The following PLEKHJ1 variants were observed in gnomAD, a reference collection of about 807,000 sequenced individuals.
PLEKHJ1 encodes the protein pleckstrin homology domain containing J1.
Under a neutral mutation model 21.7 loss-of-function variants are expected in PLEKHJ1, and 20 were observed. The ratio of observed to expected loss-of-function variants is 0.92; its 90% CI spans 0.65 to 1.34. The LOEUF (loss-of-function observed/expected upper bound fraction) is 1.34, where lower values mean the gene tolerates loss of function less well. Among genes scored for constraint, PLEKHJ1 ranks in the 40% most tolerant of loss-of-function variants. PLEKHJ1 has a pLI of 0.00. For synonymous variants in PLEKHJ1, 113 were observed against 80.6 expected (o/e 1.40, Z -2.15); for missense variants, 241 against 202.0 (o/e 1.19, Z -1.17).
rs2024682521 is a variant in PLEKHJ1, at chr19:2,233,522, C to A, written c.*318G>T. On this transcript the variant is annotated 3_prime_UTR_variant, in exon 6 of 6. Coordinates refer to ENST00000326631, the MANE Select transcript of PLEKHJ1 (RefSeq NM_018049.3). ...AGTTTCATAAAATGCAGCCCCTGCC[C>A]ACACCCACCTGGCTTCAGGCTTTGG... The A allele has an allele frequency of 4.4e-6, 2 of 453,454 alleles. No individual in the cohort carries two copies. Among genetic ancestry groups the A allele is most frequent in the Non-Finnish European group, 7.9e-6 (2 of 253,846 alleles). 28.1% of individuals were successfully genotyped at this position (453,454 alleles called of 1,614,324 possible). A position where few individuals can be genotyped will look rare whatever the true frequency, so the allele number is the denominator to read the frequency against.
chr19:2,236,004 G>T lies in PLEKHJ1; in HGVS notation c.95-14C>A. 1 of 1,601,908 alleles carries T rather than the reference G, an allele frequency of 6.2e-7. No homozygotes were observed. The highest frequency in any genetic ancestry group is 8.5e-7 in the Non-Finnish European group (1 of 1,176,230). On this transcript the variant is annotated splice_polypyrimidine_tract_variant and intron_variant, in intron 1 of 5. Coordinates refer to ENST00000326631, the MANE Select transcript of PLEKHJ1 (RefSeq NM_018049.3). ...GCCGCTTCAGCACTGCGGGCACAGC[G>T]CGCACTCAGGGGCGCAGGCAGCCCC... is the stretch of plus-strand genomic sequence containing the variant.
At chr19:2,230,173 C>A (rs745632861), downstream of PLEKHJ1, 18 of 480,834 alleles carry the variant, frequency 3.7e-5, no homozygotes, top group Non-Finnish European at 6.2e-5. Context: ...CTATCTCGTC[C>A]CCAGGCCCGC....
At chr19:2,230,556 T>C (rs967357888), downstream of PLEKHJ1, 14 of 398,622 alleles carry the variant, frequency 3.5e-5, no homozygotes, top group African/African-American at 2.5e-4. Context: ...CGGCTGTCCA[T>C]GGCTCGCAGC....
At chr19:2,231,162 C>T (rs1175622939), downstream of PLEKHJ1, 1 of 227,650 alleles carries the variant, frequency 4.4e-6, no homozygotes, top group African/African-American at 2.2e-5. Flanking sequence ...GGCTCTGTGC[C>T]CTCCCTGGAG....
At chr19:2,234,484 G>A (rs1361097534) in intron 3 of PLEKHJ1, 1 of 474,906 alleles carries the variant, frequency 2.1e-6, no homozygotes, top group Non-Finnish European at 3.8e-6. Context: ...GCCAAGGTGG[G>A]AGGATTGCTT....
chr19:2,230,538 G>T, downstream of PLEKHJ1: 2 of 398,760 alleles, frequency 5.0e-6, no homozygotes, highest in Non-Finnish European at 8.8e-6. Flanking sequence ...ATTTACTTTT[G>T]TATTTCTCGG....
intron 3 of PLEKHJ1, chr19:2,235,115 G>A (rs2024751720): frequency 6.6e-6 from 1 of 152,226 alleles, no homozygotes; most frequent in Non-Finnish European, 1.5e-5. Context: ...GTGATGCAAG[G>A]AGGACAAGGT....
chr19:2,235,960 A>C lies in PLEKHJ1; in HGVS notation c.125T>G (p.Val42Gly). The change falls in exon 2 of 6, where the codon GTG (valine) becomes GGG (glycine). Residue 42 changes from valine (V) to glycine (G), a missense_variant. Transcript: ENST00000326631. Reference protein sequence around the residue: ...VLKRRLVKLVVNFLFYFRTDE... With the variant: ...VLKRRLVKLVGNFLFYFRTDE... The stretch of plus-strand genomic sequence containing the variant: ...TGTCCGAAAGTAGAAGAGGAAATTC[A>C]CCACCAGCTTCACCAGCCGCCGCTT... 6.2e-7 allele frequency: 1 copy of C among 1,609,792 alleles called. No individual in the cohort carries two copies. The highest frequency in any genetic ancestry group is 8.5e-7 in the Non-Finnish European group (1 of 1,178,828).
chr19:2,232,144 G>GTGC (rs569920372), downstream of PLEKHJ1: 11 of 223,344 alleles, frequency 4.9e-5, no homozygotes, highest in South Asian at 3.6e-4. Flanking sequence ...GCGGGGACCT[G>GTGC]TGCTGCTGCT....
downstream of PLEKHJ1, chr19:2,232,501 C>T (rs529914622): frequency 3.0e-4 from 67 of 221,282 alleles, no homozygotes; most frequent in South Asian, 0.01. Flanking sequence ...GGGCTGCAGG[C>T]GCCCCTTCCT....
At chr19:2,230,453 C>A (rs926022601), downstream of PLEKHJ1, 1 of 399,512 alleles carries the variant, frequency 2.5e-6, no homozygotes, top group South Asian at 1.3e-4. Context: ...TGTGAAGGGG[C>A]CTGCGCGGTG....
chr19:2,234,240 C>G lies in PLEKHJ1; in HGVS notation c.230G>C (p.Ser77Thr). ...VREEPGTFSI[S>T]FIEDPERKYH... The stretch of plus-strand genomic sequence containing the variant: ...CTTCCTCTCAGGGTCCTCAATGAAG[C>G]CTGGGGATGGAACACCTGTGGTCGG... Residue 77 changes from serine to threonine, a missense_variant and splice_region_variant, in exon 4 of 6, where the codon AGC becomes ACC. Coordinates refer to ENST00000326631, the MANE Select transcript of PLEKHJ1 (RefSeq NM_018049.3). 6.2e-7 allele frequency: 1 copy of G among 1,611,570 alleles called. No homozygotes were observed. Among genetic ancestry groups the G allele is most frequent in the Non-Finnish European group, 8.5e-7 (1 of 1,178,950 alleles).
intron 3 of PLEKHJ1, chr19:2,235,516 A>C (rs1164955797): frequency 1.8e-6 from 1 of 545,858 alleles, no homozygotes; most frequent in Non-Finnish European, 3.2e-6. Flanking sequence ...GCCTGGGCCC[A>C]CAGGGAACAA....
In PLEKHJ1 at chr19:2,235,772, G is replaced by A. The variant is rs755076847; in HGVS notation, c.219C>T (p.Thr73=). The change falls in exon 3 of 6, where the codon ACC becomes ACT. Residue 73 remains threonine (T), a synonymous_variant. Transcript: ENST00000326631. ...CCTAGCCCCACTCACTGATGGAGAA[G>A]GTGCCGGGCTCTTCCCGGACGACTC... ...RCRVVREEPG[T]FSISFIEDPE... is the part of the protein sequence containing the mutation. The A allele has an allele frequency of 1.3e-6, 2 of 1,549,036 alleles. No homozygotes were observed. Among genetic ancestry groups the A allele is most frequent in the South Asian group, 2.4e-5 (2 of 84,064 alleles).
chr19:2,233,710 T>C lies in PLEKHJ1; in HGVS notation c.*130A>G. ...GCTGTGGCACCACTGCACTCTAGCC[T>C]GGGCAACACAGTGAAACCCTGACCC... On this transcript the variant is annotated 3_prime_UTR_variant, in exon 6 of 6. Coordinates refer to ENST00000326631, the MANE Select transcript of PLEKHJ1 (RefSeq NM_018049.3). 1 of 789,676 alleles carries C rather than the reference T, an allele frequency of 1.3e-6. No homozygotes were observed. Among genetic ancestry groups the C allele is most frequent in the Non-Finnish European group, 2.0e-6 (1 of 492,012 alleles). The allele number at this position is 789,676 out of a possible 1,614,324, so 48.9% of individuals were successfully genotyped here.
rs1466472438 is a variant in PLEKHJ1 at position 2,234,067 on chromosome 19, G to A, written c.321-6C>T. ...TTCTCCGCATGAACTCGTAGCTGGG[G>A]AAAAGGGTGGCACGGGGTCAAATGC... On this transcript the variant is annotated splice_polypyrimidine_tract_variant and splice_region_variant and intron_variant, in intron 4 of 5. Transcript: ENST00000326631. 4 of 1,613,410 alleles carry A rather than the reference G, an allele frequency of 2.5e-6. No homozygotes were observed. Among genetic ancestry groups the A allele is most frequent in the Non-Finnish European group, 3.4e-6 (4 of 1,180,024 alleles).
chr19:2,231,299 G>C (rs1377529043), downstream of PLEKHJ1: 5 of 220,964 alleles, frequency 2.3e-5, no homozygotes, highest in East Asian at 1.3e-4. Flanking sequence ...AGGTGCCACA[G>C]ATCCACCCTC....
downstream of PLEKHJ1, chr19:2,230,612 T>C: frequency 2.5e-6 from 1 of 398,670 alleles, no homozygotes; most frequent in Non-Finnish European, 4.4e-6. Context: ...CCTTGGTGTT[T>C]CTGTACAGGA....
At position 2,233,455 on chromosome 19, in the gene PLEKHJ1, T is replaced by G; in HGVS notation, c.*385A>C. On this transcript the variant is annotated 3_prime_UTR_variant, in exon 6 of 6. Coordinates refer to ENST00000326631, the MANE Select transcript of PLEKHJ1 (RefSeq NM_018049.3). ...CACGTGGCACCAGGTGCCAGGCCAGTTAGGTGGATCCTGGGGCCCCAGGGA... is the reference window on the plus strand; with the variant it reads ...CACGTGGCACCAGGTGCCAGGCCAGGTAGGTGGATCCTGGGGCCCCAGGGA... The G allele has an allele frequency of 4.0e-6, 1 of 247,322 alleles. No homozygotes were observed. The highest frequency in any genetic ancestry group is 8.8e-5 in the East Asian group (1 of 11,426). 15.3% of individuals were successfully genotyped at this position (247,322 alleles called of 1,614,324 possible).
Sources: allele counts gnomAD v4.1 joint callset, GRCh38; gene constraint gnomAD v4.1.1; transcripts MANE v1.5; gene names NCBI Gene and HGNC (gene_info 2026-07-23, HGNC 2026-07-21).